RIPOR3: variants seen among roughly 807,000 people sequenced by gnomAD.
RIPOR3 encodes RIPOR family member 3, also known as family with sequence similarity 65 member C.
RIPOR3 carries 95 observed loss-of-function variants against 114.3 expected under a neutral mutation model. That is an observed-to-expected ratio of 0.83 (90% confidence interval 0.70 to 0.99). The LOEUF (loss-of-function observed/expected upper bound fraction) is 0.99, where lower values mean the gene tolerates loss of function less well. Ranked by LOEUF, RIPOR3 falls within the 50% of genes least tolerant of loss-of-function variation. RIPOR3 has a pLI of 0.00. For synonymous variants in RIPOR3, 575 were observed against 543.8 expected (o/e 1.06, Z -0.80); for missense variants, 1,252 against 1,266.9 (o/e 0.99, Z 0.18).
At position 50,644,851 on chromosome 20, in the gene RIPOR3, T is replaced by A. The variant is rs200417450; in HGVS notation, c.4-13995A>T. On this transcript the variant is annotated intron_variant, in intron 1 of 21. Transcript: ENST00000327979. ...ATTTATTTTTTATTTTTTATTTTTT[T>A]TTTTTGAGACGGAGTTTCGCTCTTG... is the stretch of plus-strand genomic sequence containing the variant. Among the ~76,000 whole-genome samples, 22 of 150,626 alleles carry A rather than the reference T, an allele frequency of 1.5e-4. No homozygotes were observed. In the East Asian group the frequency reaches 2.1e-3, roughly 15 times the overall value.
intron 11 of RIPOR3, among the ~76,000 whole-genome samples, chr20:50,607,321 A>G (rs1370282875): frequency 1.3e-5 from 2 of 152,196 alleles, no homozygotes; most frequent in African/African-American, 4.8e-5. Flanking sequence ...AGGCGAGCGC[A>G]TGGGAGCACC....
chr20:50,619,338 G>A (rs563435943), intron 3 of RIPOR3, among the ~76,000 whole-genome samples: 1 of 151,862 alleles, frequency 6.6e-6, no homozygotes, highest in South Asian at 2.1e-4. Context: ...CTAGTTGGGA[G>A]GCTGAGGCAG....
At chr20:50,685,279 C>T (rs181652616) in intron 1 of RIPOR3, among the ~76,000 whole-genome samples, 48 of 146,572 alleles carry the variant, frequency 3.3e-4, no homozygotes, top group Middle Eastern at 3.6e-3. Flanking sequence ...TGCAGTGGCG[C>T]GATCTCGGCT....
chr20:50,682,486 A>G (rs374572280), intron 1 of RIPOR3, among the ~76,000 whole-genome samples: 65 of 152,060 alleles, frequency 4.3e-4, no homozygotes, highest in African/African-American at 1.3e-3. Context: ...GCACGCCTGT[A>G]GTCCCAGCTA....
chr20:50,622,134 A>G (rs2123176005), intron 2 of RIPOR3, among the ~76,000 whole-genome samples: 1 of 152,168 alleles, frequency 6.6e-6, no homozygotes, highest in Non-Finnish European at 1.5e-5. Context: ...CATTCTCACA[A>G]AAGAGACATG....
intron 19 of RIPOR3, 160 bp from the exon 20 acceptor site, chr20:50,589,929 C>T (rs2083056543): frequency 1.6e-6 from 1 of 638,392 alleles, no homozygotes. Flanking sequence ...GCCCTGTGTA[C>T]ACAGTCACAA....
Position 50,691,367 on chromosome 20 carries a change from G to C in RIPOR3, c.-239C>G. On this transcript the variant is annotated 5_prime_UTR_variant, in exon 1 of 22. Transcript: ENST00000327979. ...TCTGGTGCAGGGAGGCCGGTGCCCT[G>C]CCGGGCTCTGATAATGCAGCCGGGA... is the stretch of plus-strand genomic sequence containing the variant. 2.7e-6 allele frequency: 1 copy of C among 371,566 alleles called. No individual in the cohort carries two copies. The highest frequency in any genetic ancestry group is 5.1e-6 in the Non-Finnish European group (1 of 196,342). The allele number at this position is 371,566 out of a possible 1,614,324, so 23.0% of individuals were successfully genotyped here.
intron 4 of RIPOR3, among the ~76,000 whole-genome samples, chr20:50,613,067 TG>T (rs2084030155): frequency 6.6e-6 from 1 of 152,212 alleles, no homozygotes; most frequent in Non-Finnish European, 1.5e-5. Context: ...CACTTCACCC[TG>T]GGTGACAGAG....
At chr20:50,601,080 A>C (rs111420866) in intron 13 of RIPOR3, among the ~76,000 whole-genome samples, 1,571 of 152,292 alleles carry the variant, frequency 0.01, 28 homozygotes, top group African/African-American at 0.035. Flanking sequence ...ATAAGGACCG[A>C]GGGAACACAG....
chr20:50,674,239 C>G (rs1408694616), intron 1 of RIPOR3, among the ~76,000 whole-genome samples: 3 of 152,078 alleles, frequency 2.0e-5, no homozygotes, highest in African/African-American at 7.2e-5. Context: ...GTCTCAAAAC[C>G]TTGCCAGCTT....
chr20:50,627,426 C>T (rs947613831), intron 2 of RIPOR3, among the ~76,000 whole-genome samples: 5 of 150,392 alleles, frequency 3.3e-5, no homozygotes, highest in Non-Finnish European at 7.4e-5. Context: ...AGGAGAATTG[C>T]TTGAACTCAG....
Position 50,616,082 on chromosome 20 carries a change from TGCAAGGAAA to T in RIPOR3, c.270-11_270-3del. On this transcript the variant is annotated splice_polypyrimidine_tract_variant and splice_region_variant and intron_variant, in intron 3 of 21. Coordinates refer to ENST00000327979, the MANE Select transcript of RIPOR3 (RefSeq NM_001290268.2). Reference sequence around the variant, plus strand: ...GCCTGCTGCACACACAGATACTCCCTGCAAGGAAAGCAAGGAAGAGTTTCAAATGGAAGA... The same window carrying T: ...GCCTGCTGCACACACAGATACTCCCTGCAAGGAAGAGTTTCAAATGGAAGA... 6.2e-7 allele frequency: 1 copy of T among 1,610,844 alleles called. No individual in the cohort carries two copies. Among genetic ancestry groups the T allele is most frequent in the Non-Finnish European group, 8.5e-7 (1 of 1,178,646 alleles).
chr20:50,587,517 A>C (rs2082958672), intron 21 of RIPOR3, among the ~76,000 whole-genome samples, 185 bp from the exon 22 acceptor site: 1 of 151,854 alleles, frequency 6.6e-6, no homozygotes, highest in South Asian at 2.1e-4. Flanking sequence ...CCTTGTCTTT[A>C]CCTCTAGGAT....
intron 11 of RIPOR3, among the ~76,000 whole-genome samples, chr20:50,606,389 G>A (rs1216656799): frequency 1.3e-5 from 2 of 152,084 alleles, no homozygotes; most frequent in South Asian, 2.1e-4. Flanking sequence ...GCCAATTAAC[G>A]CAATCTTCCT....
intron 1 of RIPOR3, among the ~76,000 whole-genome samples, chr20:50,667,286 C>CTTTT (rs139859156): frequency 1.5e-4 from 10 of 67,554 alleles, no homozygotes; most frequent in Non-Finnish European, 1.9e-4. Flanking sequence ...CTTTAAACTA[C>CTTTT]TTTTTTTTTT....
intron 3 of RIPOR3, among the ~76,000 whole-genome samples, chr20:50,618,492 C>A (rs1346346424): frequency 6.6e-6 from 1 of 152,090 alleles, no homozygotes; most frequent in Admixed American, 6.5e-5. Context: ...TATGTGGCTA[C>A]CCTGGCCTGG....
chr20:50,589,837 C>T, intron 19 of RIPOR3, 68 bp from the exon 20 acceptor site: 1 of 1,459,958 alleles, frequency 6.8e-7, no homozygotes, highest in Non-Finnish European at 9.5e-7. Context: ...CCGGGTCCAT[C>T]AGCCACCAGG....
Position 50,594,638 on chromosome 20 carries a change from G to A in RIPOR3, c.2127C>T (p.Ser709=), listed in dbSNP as rs760675159. Residue 709 remains serine, a synonymous_variant, in exon 17 of 22, where the codon TCC becomes TCT. Coordinates refer to ENST00000327979, the MANE Select transcript of RIPOR3 (RefSeq NM_001290268.2). ...GGTTCAGCAGCGTCGTGGCAGGGCA[G>A]GACAGGACCCTGCCAGGCCCTGTGC... ...RGCTGPGRVL[S]CPATTLLNQL... is the part of the protein sequence containing the mutation. The A allele has an allele frequency of 6.2e-7, 1 of 1,613,910 alleles. No individual in the cohort carries two copies. Among genetic ancestry groups the A allele is most frequent in the South Asian group, 1.1e-5 (1 of 91,068 alleles).
intron 1 of RIPOR3, among the ~76,000 whole-genome samples, chr20:50,666,181 C>CCTTTTCTTTTCTTTTCTTCTTTTCTTTT (rs1600720832): frequency 1.0e-3 from 15 of 14,958 alleles, no homozygotes; most frequent in African/African-American, 1.4e-3. Flanking sequence ...GAAAGGACAC[C>CCTTTTCTTTTCTTTTCTTCTTTTCTTTT]CATTTCTTTT....
Sources: gnomAD v4.1 joint callset for allele counts (sites outside exome capture counted in the v4.1 genomes callset) on GRCh38, gnomAD v4.1.1 for gene constraint, MANE v1.5 for transcripts, NCBI Gene and HGNC (gene_info 2026-07-23, HGNC 2026-07-21) for gene names.